Variants in XKR6 observed in about 807,000 individuals in gnomAD.
The protein encoded by XKR6 is XK related 6, also known as XK-related protein 6.
Under a neutral mutation model 56.7 loss-of-function variants are expected in XKR6, and 22 were observed. The observed-to-expected ratio is 0.39, with a 90% confidence interval of 0.28 to 0.55. XKR6 has a LOEUF of 0.55. Among genes scored for constraint, XKR6 ranks in the 20% least tolerant of loss-of-function variants. The pLI is 0.66. For missense variants in XKR6, 852 were observed against 889.0 expected (o/e 0.96, Z 0.53); for synonymous variants, 524 against 387.8 (o/e 1.35, Z -4.13).
At chr8:11,088,469 C>T (rs1035901568) in intron 1 of XKR6, among the ~76,000 whole-genome samples, 5 of 152,176 alleles carry the variant, frequency 3.3e-5, no homozygotes, top group Admixed American at 6.5e-5. Flanking sequence ...TCCAACCAAG[C>T]GCAATGTCCC....
chr8:11,201,016 C>T lies in XKR6; in HGVS notation c.324G>A (p.Pro108=). The change falls in exon 1 of 3, where the codon CCG becomes CCA. Residue 108 remains proline, a synonymous_variant. Coordinates refer to ENST00000416569, the MANE Select transcript of XKR6 (RefSeq NM_173683.4). Reference sequence around the variant, plus strand: ...GCTCCGGCCGCGCGGCCGAGGGCGTCGGGGGTTGGCGGCCGGCGCCGGGGG... The same window carrying T: ...GCTCCGGCCGCGCGGCCGAGGGCGTTGGGGGTTGGCGGCCGGCGCCGGGGG... The part of the protein sequence containing the change: ...PAAPGAGRQP[P]TPSAARPEPP... 2.4e-6 allele frequency: 3 copies of T among 1,227,736 alleles called. No homozygotes were observed. The highest frequency in any genetic ancestry group is 3.0e-6 in the Non-Finnish European group (3 of 987,728). 76.1% of individuals were successfully genotyped at this position (1,227,736 alleles called of 1,614,324 possible).
chr8:11,186,885 C>T (rs913406440), intron 1 of XKR6, among the ~76,000 whole-genome samples: 1 of 152,188 alleles, frequency 6.6e-6, no homozygotes, highest in African/African-American at 2.4e-5. Context: ...TAATCACTAA[C>T]ATACGCATTG....
At chr8:10,928,695 C>G (rs1010541038) in intron 1 of XKR6, among the ~76,000 whole-genome samples, 1 of 152,188 alleles carries the variant, frequency 6.6e-6, no homozygotes, top group Non-Finnish European at 1.5e-5. Context: ...TCTGCCAGGG[C>G]GCGGAGTGCA....
In XKR6 at chr8:11,062,981, G is replaced by A. The variant is rs1278722310; in HGVS notation, c.764+137595C>T. On this transcript the variant is annotated intron_variant, in intron 1 of 2. Transcript: ENST00000416569. ...GACTCCAGAGCCCCTGGAGATGGAG[G>A]ATGGAGGAGCCTGGGTTCTTGAATC... 4 of 373,944 alleles carry A rather than the reference G, an allele frequency of 1.1e-5. No homozygotes were observed. In the East Asian group the frequency reaches 2.9e-4, roughly 28 times the overall value. 23.2% of individuals were successfully genotyped at this position (373,944 alleles called of 1,614,324 possible).
Position 11,011,593 on chromosome 8 carries a change from T to C in XKR6, c.765-86763A>G, listed in dbSNP as rs1223538884. Among the ~76,000 whole-genome samples the C allele has an allele frequency of 2.6e-5, 4 of 152,148 alleles. 1 individual carries two copies. Among genetic ancestry groups the C allele is most frequent in the Non-Finnish European group, 5.9e-5 (4 of 68,038 alleles). ...AAACCTCTGGCTATGTGGAACTTAA[T>C]CTAACACGAAAGAGACAGCAAACAA... On this transcript the variant is annotated intron_variant, in intron 1 of 2. Transcript: ENST00000416569.
intron 2 of XKR6, among the ~76,000 whole-genome samples, chr8:10,915,511 T>C (rs1328931631): frequency 6.6e-6 from 1 of 152,164 alleles, no homozygotes; most frequent in Non-Finnish European, 1.5e-5. Context: ...CTGTTTCTTT[T>C]TTTTTTTCTG....
At chr8:11,115,338 AT>A (rs1446025474) in intron 1 of XKR6, among the ~76,000 whole-genome samples, 1 of 152,230 alleles carries the variant, frequency 6.6e-6, no homozygotes, top group Non-Finnish European at 1.5e-5. Flanking sequence ...GAAAGGTTAA[AT>A]CTGCCAAGTA....
intron 1 of XKR6, among the ~76,000 whole-genome samples, chr8:10,944,188 C>A (rs188836452): frequency 6.6e-6 from 1 of 152,322 alleles, no homozygotes; most frequent in Admixed American, 6.5e-5. Flanking sequence ...CTGATGGAAG[C>A]TGGTCTCCTT....
intron 1 of XKR6, among the ~76,000 whole-genome samples, chr8:11,091,255 A>AC (rs1798059678): frequency 6.6e-6 from 1 of 152,012 alleles, no homozygotes; most frequent in Admixed American, 6.6e-5. Context: ...ACACAGTGAG[A>AC]CCCCATCTCT....
At chr8:11,180,061 C>T (rs1802887976) in intron 1 of XKR6, among the ~76,000 whole-genome samples, 1 of 152,050 alleles carries the variant, frequency 6.6e-6, no homozygotes, top group Non-Finnish European at 1.5e-5. Context: ...ACTGTTTGAG[C>T]CTGGGAGGTT....
intron 1 of XKR6, among the ~76,000 whole-genome samples, chr8:11,085,784 C>T (rs1797866006): frequency 6.6e-6 from 1 of 152,168 alleles, no homozygotes; most frequent in Non-Finnish European, 1.5e-5. Flanking sequence ...TTCCACCAGT[C>T]TCTCCCCTTC....
rs544925613 is a variant in XKR6, at chr8:11,073,462, G to T, written c.764+127114C>A. ...ACAAGGCAGAGTGAGACATGCCTAA[G>T]GTGTCAACAGTCCTGGGACAATGCC... On this transcript the variant is annotated intron_variant, in intron 1 of 2. Coordinates refer to ENST00000416569, the MANE Select transcript of XKR6 (RefSeq NM_173683.4). 4.6e-5 allele frequency among the ~76,000 whole-genome samples: 7 copies of T among 152,264 alleles called. 1 individual carries two copies. The East Asian group carries it at 5.8e-4, about 13-fold the overall frequency.
intron 1 of XKR6, among the ~76,000 whole-genome samples, chr8:11,001,547 A>G: frequency 6.6e-6 from 1 of 152,192 alleles, no homozygotes. Context: ...CTACCCCTAT[A>G]GCCAGTCCTT....
chr8:10,997,774 A>C (rs1236316145), intron 1 of XKR6, among the ~76,000 whole-genome samples: 1 of 152,160 alleles, frequency 6.6e-6, no homozygotes, highest in Non-Finnish European at 1.5e-5. Flanking sequence ...GCAGGAGCTA[A>C]ACAAAGCTGT....
intron 1 of XKR6, among the ~76,000 whole-genome samples, chr8:11,090,095 A>G (rs887712719): frequency 6.6e-6 from 1 of 151,938 alleles, no homozygotes; most frequent in African/African-American, 2.4e-5. Context: ...TCTCCTTTTT[A>G]TTTTCCCACA....
intron 1 of XKR6, among the ~76,000 whole-genome samples, chr8:11,026,085 C>T (rs949531990): frequency 2.0e-5 from 3 of 152,172 alleles, no homozygotes; most frequent in African/African-American, 4.8e-5. Context: ...TGTCGTTAGG[C>T]GATTTCATCA....
intron 1 of XKR6, among the ~76,000 whole-genome samples, chr8:10,973,396 G>A (rs1014867875): frequency 3.3e-5 from 5 of 152,152 alleles, no homozygotes; most frequent in Non-Finnish European, 7.4e-5. Context: ...AACCTGAGAA[G>A]TAAGGAGAGA....
intron 1 of XKR6, among the ~76,000 whole-genome samples, chr8:11,052,992 G>C (rs1421830265): frequency 6.6e-6 from 1 of 152,194 alleles, no homozygotes; most frequent in Non-Finnish European, 1.5e-5. Context: ...GCTCAGTCAG[G>C]GGTGCCAGAG....
In XKR6 at chr8:11,201,296, G is replaced by A; in HGVS notation, c.44C>T (p.Ala15Val). The part of the protein sequence containing the change: ...SDGGGVGVGF[A>V]QLHNLDEAVG... ...CGCCTCGTCCAGGTTGTGCAGCTGA[G>A]CGAAGCCCACCCCCACGCCACCGCC... Residue 15 changes from alanine (A) to valine (V), a missense_variant, in exon 1 of 3, where the codon GCT (alanine) becomes GTT (valine). Around this residue, in one of 4 missense-constraint regions of XKR6, gnomAD observed 417 missense variants for 355.2 expected, o/e 1.17. Coordinates refer to ENST00000416569, the MANE Select transcript of XKR6 (RefSeq NM_173683.4). 1 of 1,575,486 alleles carries A rather than the reference G, an allele frequency of 6.3e-7. No individual in the cohort carries two copies. The highest frequency in any genetic ancestry group is 8.5e-7 in the Non-Finnish European group (1 of 1,170,130).
Sources: gnomAD v4.1 joint callset for allele counts (sites outside exome capture counted in the v4.1 genomes callset) on GRCh38, gnomAD v4.1.1 for gene constraint, gnomAD v4.1.1 regional missense constraint, MANE v1.5 for transcripts, NCBI Gene and HGNC (gene_info 2026-07-23, HGNC 2026-07-21) for gene names.